Variants in SOX13 observed in about 807,000 individuals in gnomAD.
SOX13 encodes the protein transcription factor SOX-13.
SOX13 carries 28 observed loss-of-function variants against 71.8 expected under a neutral mutation model. The observed-to-expected ratio is 0.39, with a 90% CI of 0.29 to 0.53. The LOEUF is 0.53. Ranked by LOEUF, SOX13 falls within the 20% of genes least tolerant of loss-of-function variation. SOX13 has a pLI of 0.70. For missense variants in SOX13, 627 were observed against 810.3 expected, an observed-to-expected ratio of 0.77 and a Z score of 2.75; for synonymous variants, 309 against 317.8, an observed-to-expected ratio of 0.97 and a Z score of 0.29.
In SOX13 at chr1:204,094,946, C is replaced by A. The variant is rs115933714; in HGVS notation, c.-1-17969C>A. Among the ~76,000 whole-genome samples, 1,443 of 152,294 alleles carry A rather than the reference C, an allele frequency of 9.5e-3. 23 individuals carry two copies. The highest frequency in any genetic ancestry group is 0.033 in the African/African-American group (1,363 of 41,570). On this transcript the variant is annotated intron_variant, in intron 1 of 13. Transcript: ENST00000367204. Reference sequence around the variant, plus strand: ...GTGACCTCAAATGGATGAGTCCCTGCAAACTGGGAAGGCTGCCCAGTTCCT... The same window carrying A: ...GTGACCTCAAATGGATGAGTCCCTGAAAACTGGGAAGGCTGCCCAGTTCCT...
chr1:204,113,652 T>C (rs1454887704), intron 2 of SOX13, among the ~76,000 whole-genome samples: 8 of 151,944 alleles, frequency 5.3e-5, no homozygotes, highest in Admixed American at 4.6e-4. Flanking sequence ...TGATATATAA[T>C]TAAAATCCAA....
intron 1 of SOX13, among the ~76,000 whole-genome samples, chr1:204,102,260 C>T (rs765018162): frequency 4.6e-5 from 7 of 152,210 alleles, no homozygotes; most frequent in Admixed American, 1.3e-4. Flanking sequence ...AGACTAGTTG[C>T]GCTTGTCCTT....
chr1:204,105,375 G>A (rs540339611), intron 1 of SOX13, among the ~76,000 whole-genome samples: 22 of 151,814 alleles, frequency 1.4e-4, no homozygotes, highest in African/African-American at 4.6e-4. Flanking sequence ...GCCGCTTAGC[G>A]CCCCAGCTGG....
intron 1 of SOX13, among the ~76,000 whole-genome samples, chr1:204,077,540 C>A (rs1273731157): frequency 6.6e-6 from 1 of 152,118 alleles, no homozygotes; most frequent in African/African-American, 2.4e-5. Flanking sequence ...TAACAAAGAA[C>A]AGTTTATAAC....
intron 1 of SOX13, among the ~76,000 whole-genome samples, chr1:204,079,363 T>TTTG (rs1655852608): frequency 7.5e-6 from 1 of 132,456 alleles, no homozygotes; most frequent in African/African-American, 2.7e-5. Context: ...TTTTTTTTTT[T>TTTG]GAGACAGAGT....
chr1:204,112,505 A>ACG (rs1206435600), intron 1 of SOX13, among the ~76,000 whole-genome samples: 11 of 82,732 alleles, frequency 1.3e-4, no homozygotes, highest in Non-Finnish European at 1.7e-4. Flanking sequence ...ATGCGTGCAC[A>ACG]CACACACACA....
At chr1:204,116,777 C>T (rs1656703104) in intron 5 of SOX13, 98 bp downstream of exon 5, 8 of 1,539,938 alleles carry the variant, frequency 5.2e-6, no homozygotes, top group Non-Finnish European at 6.1e-6. Flanking sequence ...CCAGTGCAAG[C>T]TGGGGCCTGG....
rs1334668022 is a variant in SOX13, at chr1:204,115,180, A to T, written c.418+575A>T. The stretch of plus-strand genomic sequence containing the variant: ...GCCACCAAGCCAGGCTAATTTTTAT[A>T]TTTTTTTTGTAGAGATGACGTCTTA... On this transcript the variant is annotated intron_variant, in intron 4 of 13. Coordinates refer to ENST00000367204, the MANE Select transcript of SOX13 (RefSeq NM_005686.3). Among the ~76,000 whole-genome samples the T allele has an allele frequency of 4.0e-5, 6 of 151,336 alleles. No individual in the cohort carries two copies. The East Asian group carries it at 1.2e-3, about 29-fold the overall frequency.
intron 7 of SOX13, 73 bp from the exon 8 acceptor site, chr1:204,121,827 G>A (rs1333532696): frequency 9.5e-7 from 1 of 1,057,616 alleles, no homozygotes; most frequent in Admixed American, 1.9e-5. Context: ...TTGTGGTGCT[G>A]GGACCTCGTC....
rs1021449812 is a variant in SOX13, at chr1:204,126,560, G to A, written c.*426G>A. 15 of 219,818 alleles carry A rather than the reference G, an allele frequency of 6.8e-5. No individual in the cohort carries two copies. Among genetic ancestry groups the A allele is most frequent in the African/African-American group, 1.8e-4 (8 of 44,264 alleles). The allele number at this position is 219,818 out of a possible 1,614,324, so 13.6% of individuals were successfully genotyped here. A position where few individuals can be genotyped will look rare whatever the true frequency, so the allele number is the denominator to read the frequency against. ...CCTCCCACACTCCCCCAGACTGCTC[G>A]TCTATCACCAGGATCGCTTTGTACT... On this transcript the variant is annotated 3_prime_UTR_variant, in exon 14 of 14. Transcript: ENST00000367204.
At chr1:204,114,185 G>C (rs191407840) in intron 2 of SOX13, 136 bp from the exon 3 acceptor site, 8 of 596,700 alleles carry the variant, frequency 1.3e-5, no homozygotes, top group South Asian at 8.6e-5. Flanking sequence ...GAGGCCAAAG[G>C]GACCTAGTGA....
intron 1 of SOX13, among the ~76,000 whole-genome samples, chr1:204,096,582 A>G (rs10793754): frequency 5.3e-5 from 8 of 151,384 alleles, no homozygotes; most frequent in Non-Finnish European, 1.2e-4. Context: ...ACACCTGGCT[A>G]ATTTTTGTAT....
chr1:204,120,286 T>A (rs991812049), intron 7 of SOX13, among the ~76,000 whole-genome samples: 3 of 152,166 alleles, frequency 2.0e-5, no homozygotes, highest in African/African-American at 7.2e-5. Context: ...CAACTCCCCA[T>A]GAGTGTGGAG....
chr1:204,105,189 A>G (rs1051867334), intron 1 of SOX13, among the ~76,000 whole-genome samples: 5 of 152,162 alleles, frequency 3.3e-5, no homozygotes, highest in Admixed American at 2.6e-4. Flanking sequence ...CCTGGTAGGC[A>G]CAAGCTGAGA....
intron 1 of SOX13, among the ~76,000 whole-genome samples, chr1:204,099,239 T>G (rs1656312312): frequency 6.6e-6 from 1 of 152,172 alleles, no homozygotes; most frequent in Admixed American, 6.5e-5. Context: ...TGGCTTAGCC[T>G]CCTTAGGCCT....
At chr1:204,096,011 T>C (rs552870853) in intron 1 of SOX13, among the ~76,000 whole-genome samples, 1 of 152,320 alleles carries the variant, frequency 6.6e-6, no homozygotes, top group Non-Finnish European at 1.5e-5. Context: ...GCCTTCCAGC[T>C]TAGGGCTGAT....
At chr1:204,096,930 T>C (rs1400518754) in intron 1 of SOX13, among the ~76,000 whole-genome samples, 2 of 152,208 alleles carry the variant, frequency 1.3e-5, no homozygotes, top group African/African-American at 4.8e-5. Context: ...GAAAATCCAC[T>C]GTGCTTTTTA....
chr1:204,102,762 C>T (rs6700051), intron 1 of SOX13, among the ~76,000 whole-genome samples: 1 of 151,566 alleles, frequency 6.6e-6, no homozygotes, highest in Non-Finnish European at 1.5e-5. Flanking sequence ...CATATTCAGT[C>T]TTCTCTATCT....
Position 204,113,110 on chromosome 1 carries a change from C to A in SOX13, c.195C>A (p.Ala65=). ...SQDSADPQAP[A]QGNFRGSWDC... Reference sequence around the variant, plus strand: ...ATAGTGCTGACCCCCAAGCTCCAGCCCAGGGGAATTTCAGGGGCTCCTGGG... The same window carrying A: ...ATAGTGCTGACCCCCAAGCTCCAGCACAGGGGAATTTCAGGGGCTCCTGGG... The change falls in exon 2 of 14, where the codon GCC becomes GCA. Residue 65 remains alanine, a synonymous_variant. Coordinates refer to ENST00000367204, the MANE Select transcript of SOX13 (RefSeq NM_005686.3). 6.4e-7 allele frequency: 1 copy of A among 1,570,164 alleles called. No individual in the cohort carries two copies. The highest frequency in any genetic ancestry group is 2.4e-5 in the East Asian group (1 of 42,510).
Sources: allele counts gnomAD v4.1 joint callset (sites outside exome capture counted in the v4.1 genomes callset), GRCh38; gene constraint gnomAD v4.1.1; transcripts MANE v1.5; gene names NCBI Gene and HGNC (gene_info 2026-07-23, HGNC 2026-07-21).